Variants in GBP6 observed in about 807,000 individuals in gnomAD.
GBP6 encodes guanylate binding protein family member 6.
In GBP6, 54 loss-of-function variants were observed where a neutral mutation model predicts 61.5. That is an observed-to-expected ratio of 0.88 (90% confidence interval 0.71 to 1.10). The LOEUF (loss-of-function observed/expected upper bound fraction) is 1.10. Among genes scored for constraint, GBP6 ranks in the 50% least tolerant of loss-of-function variants. The pLI is 0.00. For synonymous variants in GBP6, 255 were observed against 273.7 expected, an observed-to-expected ratio of 0.93 and a Z score of 0.67; for missense variants, 748 against 752.8, an observed-to-expected ratio of 0.99 and a Z score of 0.07.
intron 9 of GBP6, 114 bp from the exon 10 acceptor site, chr1:89,383,979 G>C (rs1287860294): frequency 8.9e-7 from 1 of 1,120,440 alleles, no homozygotes; most frequent in East Asian, 2.6e-5. Context: ...GGACCTGGGT[G>C]AATTCTGTGA....
At position 89,388,042 on chromosome 1, in the gene GBP6, T is replaced by G. The variant is rs1055513425; in HGVS notation, c.*2573T>G. Among the ~76,000 whole-genome samples the G allele has an allele frequency of 6.6e-6, 1 of 152,198 alleles. No homozygotes were observed. Among genetic ancestry groups the G allele is most frequent in the East Asian group, 1.9e-4 (1 of 5,200 alleles). On this transcript the variant is annotated 3_prime_UTR_variant, in exon 11 of 11. Coordinates refer to ENST00000370456, the MANE Select transcript of GBP6 (RefSeq NM_198460.3). Reference sequence around the variant, plus strand: ...TCATGTCCTACAGTCTCTGTGAAACTGGGCCAAAGATAGAATTTTTTTTTC... The same window carrying G: ...TCATGTCCTACAGTCTCTGTGAAACGGGGCCAAAGATAGAATTTTTTTTTC...
chr1:89,382,119 C>T, intron 7 of GBP6, 145 bp downstream of exon 7: 1 of 801,148 alleles, frequency 1.2e-6, no homozygotes, highest in Non-Finnish European at 1.9e-6. Context: ...CAAAAGACTA[C>T]ATATAAGCAC....
chr1:89,364,707 G>C (rs1195068870), intron 1 of GBP6, among the ~76,000 whole-genome samples: 1 of 150,616 alleles, frequency 6.6e-6, no homozygotes, highest in African/African-American at 2.4e-5. Flanking sequence ...AGGAACATCA[G>C]AGTCTCTTGT....
Position 89,381,698 on chromosome 1 carries a change from G to C in GBP6, c.876G>C (p.Leu292=). The change falls in exon 7 of 11, where the codon CTG becomes CTC. Residue 292 remains leucine (L), a synonymous_variant. Coordinates refer to ENST00000370456, the MANE Select transcript of GBP6 (RefSeq NM_198460.3). ...REGITVTGNR[L]GTLAVTYVEA... Reference sequence around the variant, plus strand: ...TAAATCTCCTGGTTCATTTAGGTCTGGGAACTCTGGCAGTGACTTATGTAG... The same window carrying C: ...TAAATCTCCTGGTTCATTTAGGTCTCGGAACTCTGGCAGTGACTTATGTAG... 6.2e-7 allele frequency: 1 copy of C among 1,600,986 alleles called. No homozygotes were observed. Among genetic ancestry groups the C allele is most frequent in the Non-Finnish European group, 8.5e-7 (1 of 1,170,566 alleles).
In GBP6 at chr1:89,387,278, A is replaced by G. The variant is rs967733360; in HGVS notation, c.*1809A>G. 2.2e-4 allele frequency among the ~76,000 whole-genome samples: 33 copies of G among 152,310 alleles called. No homozygotes were observed. The highest frequency in any genetic ancestry group is 7.7e-4 in the African/African-American group (32 of 41,568). On this transcript the variant is annotated 3_prime_UTR_variant, in exon 11 of 11. Transcript: ENST00000370456. Reference sequence around the variant, plus strand: ...AAATATTTCAAGGACCCTTGGAATCAGGATCCAAGTTGCCCATGGTACCTA... The same window carrying G: ...AAATATTTCAAGGACCCTTGGAATCGGGATCCAAGTTGCCCATGGTACCTA...
At chr1:89,380,965 A>C (rs1192169599) in intron 6 of GBP6, among the ~76,000 whole-genome samples, 1 of 152,146 alleles carries the variant, frequency 6.6e-6, no homozygotes, top group African/African-American at 2.4e-5. Flanking sequence ...TTGCCAAGAG[A>C]ATAGAAAAGA....
chr1:89,377,763 GT>G (rs1431577146), intron 3 of GBP6, among the ~76,000 whole-genome samples: 1 of 152,120 alleles, frequency 6.6e-6, no homozygotes. Context: ...GTTTTTATAT[GT>G]GATGCATGGC....
intron 1 of GBP6, among the ~76,000 whole-genome samples, chr1:89,367,142 C>T (rs893610324): frequency 6.6e-6 from 1 of 151,916 alleles, no homozygotes; most frequent in Admixed American, 6.6e-5. Context: ...TGTGTGAGTC[C>T]CTGCCTTTAA....
chr1:89,382,347 T>C (rs1653002624), intron 7 of GBP6, among the ~76,000 whole-genome samples: 1 of 152,238 alleles, frequency 6.6e-6, no homozygotes, highest in Non-Finnish European at 1.5e-5. Context: ...TTGCTCCTTC[T>C]TGTATCCTTG....
At chr1:89,375,448 G>A (rs1652777490) in intron 3 of GBP6, among the ~76,000 whole-genome samples, 1 of 152,164 alleles carries the variant, frequency 6.6e-6, no homozygotes, top group Non-Finnish European at 1.5e-5. Context: ...AGACAGTATG[G>A]CAATTCCTCA....
intron 9 of GBP6, 38 bp downstream of exon 9, chr1:89,383,792 T>C: frequency 7.2e-7 from 1 of 1,383,504 alleles, no homozygotes; most frequent in South Asian, 1.2e-5. Context: ...GAGGGGTACG[T>C]TTATACAATG....
rs564365943 is a variant in GBP6, at chr1:89,385,595, G to A, written c.*126G>A. The A allele has an allele frequency of 2.0e-4, 175 of 873,378 alleles. No homozygotes were observed. The Middle Eastern group carries it at 4.7e-3, about 23-fold the overall frequency. The allele number at this position is 873,378 out of a possible 1,614,324, so 54.1% of individuals were successfully genotyped here. On this transcript the variant is annotated 3_prime_UTR_variant, in exon 11 of 11. Transcript: ENST00000370456. ...GTTGCCCAGGCTGGAGTACAGTGGT[G>A]CAATCTCAGCTCACTGCAACCTCTG... is the stretch of plus-strand genomic sequence containing the variant.
At chr1:89,374,606 G>A (rs923384080) in intron 3 of GBP6, among the ~76,000 whole-genome samples, 1 of 151,940 alleles carries the variant, frequency 6.6e-6, no homozygotes, top group Non-Finnish European at 1.5e-5. Context: ...TAACTCCTTT[G>A]GTAATAGCCA....
chr1:89,382,542 C>A, intron 7 of GBP6, 122 bp from the exon 8 acceptor site: 1 of 731,666 alleles, frequency 1.4e-6, no homozygotes, highest in Non-Finnish European at 2.4e-6. Context: ...GATTCCACAT[C>A]TACTCCACTA....
rs910206142 is a variant in GBP6, at chr1:89,382,671, CA to C, written c.1162del (p.Met388Ter). ...QEFQKKFMET[T>X]MNKKGDFLLQ... is the part of the protein sequence containing the mutation. The stretch of plus-strand genomic sequence containing the variant: ...TCTACATTTCCCTTGCAGGAAACCA[CA>C]ATGAATAAGAAGGGGGATTTCTTGC... On this transcript the variant is annotated frameshift_variant, in exon 8 of 11. Transcript: ENST00000370456. LOFTEE classifies it high-confidence loss of function. 1 of 1,613,718 alleles carries C rather than the reference CA, an allele frequency of 6.2e-7. No individual in the cohort carries two copies. The highest frequency in any genetic ancestry group is 1.3e-5 in the African/African-American group (1 of 74,904).
At position 89,369,953 on chromosome 1, in the gene GBP6, G is replaced by T. The variant is rs1652578020; in HGVS notation, c.318+280G>T. Among the ~76,000 whole-genome samples, 3 of 152,168 alleles carry T rather than the reference G, an allele frequency of 2.0e-5. No homozygotes were observed. The South Asian group carries it at 6.2e-4, about 32-fold the overall frequency. ...TTGGGGCTGAGTAGCATAGACATTG[G>T]TGAACAAAGTAAAGGTCCTGCCCAC... On this transcript the variant is annotated intron_variant, in intron 3 of 10. Coordinates refer to ENST00000370456, the MANE Select transcript of GBP6 (RefSeq NM_198460.3).
At chr1:89,378,015 A>G (rs1207640774) in intron 3 of GBP6, 88 bp from the exon 4 acceptor site, 8 of 1,218,994 alleles carry the variant, frequency 6.6e-6, no homozygotes, top group Non-Finnish European at 7.1e-6. Flanking sequence ...ATTAGCTGAA[A>G]TCATAAGTGA....
intron 9 of GBP6, 125 bp from the exon 10 acceptor site, chr1:89,383,968 T>A: frequency 9.8e-7 from 1 of 1,016,910 alleles, no homozygotes; most frequent in Non-Finnish European, 1.4e-6. Context: ...CTTAATGGTG[T>A]GGACCTGGGT....
intron 1 of GBP6, among the ~76,000 whole-genome samples, chr1:89,365,112 G>A (rs536475096): frequency 2.9e-4 from 44 of 151,964 alleles, no homozygotes; most frequent in Middle Eastern, 6.8e-3. Flanking sequence ...TGCTGAGAAT[G>A]GGATCTAATT....
Sources: gnomAD v4.1 joint callset for allele counts (sites outside exome capture counted in the v4.1 genomes callset) on GRCh38, gnomAD v4.1.1 for gene constraint, MANE v1.5 for transcripts, NCBI Gene and HGNC (gene_info 2026-07-23, HGNC 2026-07-21) for gene names.